ACTL6B: variants seen among roughly 807,000 people sequenced by gnomAD.
ACTL6B encodes the protein actin like 6B, also known as actin-like protein 6B.
A neutral mutation model predicts 63.3 loss-of-function variants in ACTL6B; 48 were observed. The ratio of observed to expected loss-of-function variants is 0.76; its 90% CI spans 0.60 to 0.96. The LOEUF (loss-of-function observed/expected upper bound fraction) is 0.96. ACTL6B is among the 50% of genes least tolerant of loss of function. The pLI, the probability that ACTL6B is intolerant of heterozygous loss-of-function variation, is 0.00. For synonymous variants in ACTL6B, 230 were observed against 223.8 expected (o/e 1.03, Z -0.25); for missense variants, 350 against 572.2 (o/e 0.61, Z 3.96).
chr7:100,649,962 G>A, intron 5 of ACTL6B, 76 bp downstream of exon 5: 1 of 1,354,310 alleles, frequency 7.4e-7, no homozygotes, highest in South Asian at 1.2e-5. Flanking sequence ...TGACCCTCCA[G>A]CTCATCACAG....
intron 5 of ACTL6B, among the ~76,000 whole-genome samples, chr7:100,649,085 C>T (rs1258673199): frequency 5.3e-5 from 8 of 151,752 alleles, no homozygotes; most frequent in Non-Finnish European, 8.8e-5. Context: ...CTCCGCCTCC[C>T]GGGTTCATGC....
rs996488722 is a variant in ACTL6B, at chr7:100,656,419, G to C, written c.-65C>G. The C allele has an allele frequency of 3.2e-6, 4 of 1,261,240 alleles. No individual in the cohort carries two copies. The Admixed American group carries it at 1.2e-4, about 39-fold the overall frequency. 78.1% of individuals were successfully genotyped at this position (1,261,240 alleles called of 1,614,324 possible). A position where few individuals can be genotyped will look rare whatever the true frequency, so the allele number is the denominator to read the frequency against. On this transcript the variant is annotated 5_prime_UTR_variant, in exon 1 of 14. Transcript: ENST00000160382. The stretch of plus-strand genomic sequence containing the variant: ...GGATCAGCACCGAGGCGGCCGGACA[G>C]CTCCCGGGATCCCTGGCGGGGCGGG...
chr7:100,656,364 T>A lies in ACTL6B; in HGVS notation c.-10A>T, dbSNP rs571841586. 99 of 1,344,580 alleles carry A rather than the reference T, an allele frequency of 7.4e-5. No homozygotes were observed. The highest frequency in any genetic ancestry group is 6.6e-5 in the Non-Finnish European group (69 of 1,042,734). The allele number at this position is 1,344,580 out of a possible 1,614,324, so 83.3% of individuals were successfully genotyped here. On this transcript the variant is annotated 5_prime_UTR_variant, in exon 1 of 14. Transcript: ENST00000160382. Reference sequence around the variant, plus strand: ...AGACGCCCCCGCTCATAGTGCCCGCTGCGCTGCTAGCGGCCCGTGGGCGGT... The same window carrying A: ...AGACGCCCCCGCTCATAGTGCCCGCAGCGCTGCTAGCGGCCCGTGGGCGGT...
At chr7:100,656,292 G>A in intron 1 of ACTL6B, 38 bp downstream of exon 1, 3 of 1,376,090 alleles carry the variant, frequency 2.2e-6, no homozygotes, top group Non-Finnish European at 2.8e-6. Context: ...GGTTTGGAAC[G>A]CAGGGCTGCG....
chr7:100,653,976 ATT>A (rs910520585), intron 4 of ACTL6B, among the ~76,000 whole-genome samples: 2 of 144,888 alleles, frequency 1.4e-5, no homozygotes, highest in Non-Finnish European at 1.5e-5. Flanking sequence ...GAGGTTTTAA[ATT>A]TTTTTTTTTT....
At position 100,655,345 on chromosome 7, in the gene ACTL6B, G is replaced by T. The variant is rs796262505; in HGVS notation, c.268+76C>A. On this transcript the variant is annotated intron_variant, in intron 3 of 13. Coordinates refer to ENST00000160382, the MANE Select transcript of ACTL6B (RefSeq NM_016188.5). The surrounding 1 kb of genome is among the most constrained non-coding windows in gnomAD (Gnocchi z 4.4). ...GGCTGCAAGGAAGACTCCGCGGGGAGTGGGGGCTGCTATGACCCAGATTGT... is the reference window on the plus strand; with the variant it reads ...GGCTGCAAGGAAGACTCCGCGGGGATTGGGGGCTGCTATGACCCAGATTGT... The T allele has an allele frequency of 6.7e-6, 10 of 1,501,598 alleles. No homozygotes were observed. In the African/African-American group the frequency reaches 1.4e-4, roughly 21 times the overall value. The allele number at this position is 1,501,598 out of a possible 1,614,324, so 93.0% of individuals were successfully genotyped here. A position where few individuals can be genotyped will look rare whatever the true frequency, so the allele number is the denominator to read the frequency against.
rs745775554 is a variant in ACTL6B at position 100,647,231 on chromosome 7, G to A, written c.813C>T (p.Tyr271=). 31 of 1,611,352 alleles carry A rather than the reference G, an allele frequency of 1.9e-5. No individual in the cohort carries two copies. Among genetic ancestry groups the A allele is most frequent in the Non-Finnish European group, 2.5e-5 (29 of 1,179,738 alleles). ...CCCTGAGCCACACTCACTGTTCATC[G>A]TAGGGGGAGTCTGAGACCTGCAGCA... is the stretch of plus-strand genomic sequence containing the variant. ...ASVLQVSDSP[Y]DEQVAAQMPT... is the part of the protein sequence containing the mutation. Residue 271 remains tyrosine, a synonymous_variant, in exon 9 of 14, where the codon TAC becomes TAT. Coordinates refer to ENST00000160382, the MANE Select transcript of ACTL6B (RefSeq NM_016188.5). The surrounding 1 kb of genome is among the most constrained non-coding windows in gnomAD (Gnocchi z 4.4).
In ACTL6B at chr7:100,650,042, T is replaced by C; in HGVS notation, c.463A>G (p.Thr155Ala). The change falls in exon 5 of 14, where the codon ACC becomes GCC. Residue 155 changes from threonine (T) to alanine (A), a missense_variant. Around this residue, in one of 3 missense-constraint regions of ACTL6B, gnomAD observed 250 missense variants for 364.7 expected, o/e 0.69. Coordinates refer to ENST00000160382, the MANE Select transcript of ACTL6B (RefSeq NM_016188.5). The part of the protein sequence containing the change: ...AFFLCKTAVL[T>A]AFANGRSTGL... ...GCAGCTCAGTCCAGAGGATACGCGG[T>C]GAGCACAGCCGTCTTGCATAAGAAG... The C allele has an allele frequency of 6.2e-7, 1 of 1,613,626 alleles. No individual in the cohort carries two copies. The highest frequency in any genetic ancestry group is 8.5e-7 in the Non-Finnish European group (1 of 1,179,882).
At position 100,647,100 on chromosome 7, in the gene ACTL6B, G is replaced by T; in HGVS notation, c.822-15C>A. Reference sequence around the variant, plus strand: ...GTGCAGCCACCCTACCCAGAAGGGAGCAGGACTCTGCCTGGGGTGCTCAAG... The same window carrying T: ...GTGCAGCCACCCTACCCAGAAGGGATCAGGACTCTGCCTGGGGTGCTCAAG... On this transcript the variant is annotated splice_polypyrimidine_tract_variant and intron_variant, in intron 9 of 13. Coordinates refer to ENST00000160382, the MANE Select transcript of ACTL6B (RefSeq NM_016188.5). The surrounding 1 kb of genome is among the most constrained non-coding windows in gnomAD (Gnocchi z 4.4). 3 of 1,613,344 alleles carry T rather than the reference G, an allele frequency of 1.9e-6. No homozygotes were observed. Among genetic ancestry groups the T allele is most frequent in the Non-Finnish European group, 2.5e-6 (3 of 1,179,372 alleles).
rs753919370 is a variant in ACTL6B at position 100,646,850 on chromosome 7, G to A, written c.937-19C>T. On this transcript the variant is annotated intron_variant, in intron 10 of 13. Transcript: ENST00000160382. This position sits in a 1 kb window ranked among gnomAD's most constrained non-coding sequence, Gnocchi z 6.1. Reference sequence around the variant, plus strand: ...ACAGGCCCTGCAGAGAGAGGTGACTGGGGCTGTGGGCTCTCTCCCCCTTCC... The same window carrying A: ...ACAGGCCCTGCAGAGAGAGGTGACTAGGGCTGTGGGCTCTCTCCCCCTTCC... 1.2e-6 allele frequency: 2 copies of A among 1,608,328 alleles called. No homozygotes were observed. The highest frequency in any genetic ancestry group is 2.2e-5 in the South Asian group (2 of 90,698).
chr7:100,643,712 G>T (rs564601992), intron 13 of ACTL6B, among the ~76,000 whole-genome samples: 1 of 151,858 alleles, frequency 6.6e-6, no homozygotes, highest in South Asian at 2.1e-4. Context: ...ACTCCATCAG[G>T]GCTTTGGAAC....
At chr7:100,652,999 CAAAAAAAAAAAAAAAAAAAAAAAAAAA>C (rs58707737) in intron 4 of ACTL6B, among the ~76,000 whole-genome samples, 14 of 25,930 alleles carry the variant, frequency 5.4e-4, no homozygotes, top group South Asian at 2.3e-3. Flanking sequence ...AACTCCGTCT[CAAAAAAAAAAAAAAAAAAAAAAAAAAA>C]AAAAAAAAAA....
chr7:100,655,376 G>T lies in ACTL6B; in HGVS notation c.268+45C>A. On this transcript the variant is annotated intron_variant, in intron 3 of 13. Transcript: ENST00000160382. This position sits in a 1 kb window ranked among gnomAD's most constrained non-coding sequence, Gnocchi z 4.4. ...GCTGCTATGACCCAGATTGTGGGGA[G>T]CGGGCTCCTTTTCTGTCAGGAGGTG... The T allele has an allele frequency of 1.3e-6, 2 of 1,590,908 alleles. No individual in the cohort carries two copies.
intron 5 of ACTL6B, among the ~76,000 whole-genome samples, 199 bp from the exon 6 acceptor site, chr7:100,649,022 T>G (rs1584469033): frequency 7.0e-6 from 1 of 143,362 alleles, no homozygotes. Context: ...TGAGATGGAG[T>G]CTTGCTGTCT....
rs1804017512 is a variant in ACTL6B at position 100,655,339 on chromosome 7, C to T, written c.268+82G>A. On this transcript the variant is annotated intron_variant, in intron 3 of 13. Transcript: ENST00000160382. This position sits in a 1 kb window ranked among gnomAD's most constrained non-coding sequence, Gnocchi z 4.4. ...CCCTGGGGCTGCAAGGAAGACTCCG[C>T]GGGGAGTGGGGGCTGCTATGACCCA... 3 of 1,481,500 alleles carry T rather than the reference C, an allele frequency of 2.0e-6. No homozygotes were observed. The highest frequency in any genetic ancestry group is 1.4e-5 in the African/African-American group (1 of 71,538). The allele number at this position is 1,481,500 out of a possible 1,614,324, so 91.8% of individuals were successfully genotyped here. A position where few individuals can be genotyped will look rare whatever the true frequency, so the allele number is the denominator to read the frequency against.
In ACTL6B at chr7:100,646,501, G is replaced by A; in HGVS notation, c.1113+50C>T. On this transcript the variant is annotated intron_variant, in intron 12 of 13. Coordinates refer to ENST00000160382, the MANE Select transcript of ACTL6B (RefSeq NM_016188.5). The surrounding 1 kb of genome is among the most constrained non-coding windows in gnomAD (Gnocchi z 6.1). ...GGATGAAGGGACTCAGTCCTGGACA[G>A]CTGAGCCAGGACGGGTGTCCAGGGC... 1 of 1,587,540 alleles carries A rather than the reference G, an allele frequency of 6.3e-7. No homozygotes were observed. Among genetic ancestry groups the A allele is most frequent in the Non-Finnish European group, 8.6e-7 (1 of 1,156,136 alleles).
rs777888095 is a variant in ACTL6B at position 100,646,829 on chromosome 7, G to A, written c.939C>T (p.Gly313=). 5 of 1,612,024 alleles carry A rather than the reference G, an allele frequency of 3.1e-6. No individual in the cohort carries two copies. The highest frequency in any genetic ancestry group is 4.2e-6 in the Non-Finnish European group (5 of 1,179,376). The change falls in exon 11 of 14, where the codon GGC becomes GGT. Residue 313 remains glycine (G), a splice_region_variant and synonymous_variant. Transcript: ENST00000160382. This position sits in a 1 kb window ranked among gnomAD's most constrained non-coding sequence, Gnocchi z 6.1. ...CACCCAACATGGTGTTCCCCGACAG[G>A]CCCTGCAGAGAGAGGTGACTGGGGC... ...EGLFDPSNVK[G]LSGNTMLGVG... is the part of the protein sequence containing the mutation.
Position 100,655,800 on chromosome 7 carries a change from C to T in ACTL6B, c.102+3G>A, listed in dbSNP as rs1381535787. 12 of 1,565,100 alleles carry T rather than the reference C, an allele frequency of 7.7e-6. No homozygotes were observed. The highest frequency in any genetic ancestry group is 8.7e-6 in the Non-Finnish European group (10 of 1,154,376). On this transcript the variant is annotated splice_donor_region_variant and intron_variant, in intron 2 of 13. Transcript: ENST00000160382. The surrounding 1 kb of genome is among the most constrained non-coding windows in gnomAD (Gnocchi z 4.4). ...GATTTGGAGAGGAGACTGGAAGGCT[C>T]ACCTTGGGACAGTCCTCCCCAGCGT...
At position 100,648,116 on chromosome 7, in the gene ACTL6B, T is replaced by A. The variant is rs1376496878; in HGVS notation, c.669+440A>T. ...CTGGGACTACAGGCATGCACCACCA[T>A]GCTTGGCTAGTTCTTGCAGTTTTAG... is the stretch of plus-strand genomic sequence containing the variant. On this transcript the variant is annotated intron_variant, in intron 7 of 13. Transcript: ENST00000160382. This position sits in a 1 kb window ranked among gnomAD's most constrained non-coding sequence, Gnocchi z 4.4. 4 of 156,910 alleles carry A rather than the reference T, an allele frequency of 2.5e-5. No individual in the cohort carries two copies. Among genetic ancestry groups the A allele is most frequent in the Non-Finnish European group, 5.6e-5 (4 of 71,370 alleles). 9.7% of individuals were successfully genotyped at this position (156,910 alleles called of 1,614,324 possible). A position where few individuals can be genotyped will look rare whatever the true frequency, so the allele number is the denominator to read the frequency against.
Sources: allele counts gnomAD v4.1 joint callset (sites outside exome capture counted in the v4.1 genomes callset), GRCh38; gene constraint gnomAD v4.1.1; regional missense constraint gnomAD v4.1.1; non-coding constraint Gnocchi (gnomAD v3.1); transcripts MANE v1.5; gene names NCBI Gene and HGNC (gene_info 2026-07-23, HGNC 2026-07-21).